Variants in ANXA3 observed in about 807,000 individuals in gnomAD.
ANXA3 encodes the protein annexin A3.
In ANXA3, 46 loss-of-function variants were observed where a neutral mutation model predicts 48.8. That is an observed-to-expected ratio of 0.94 (90% CI 0.74 to 1.21). The LOEUF is 1.21. ANXA3 is among the 50% of genes most tolerant of loss of function. The pLI is 0.00. For missense variants in ANXA3, 383 were observed against 378.6 expected (o/e 1.01, Z -0.10); for synonymous variants, 128 against 134.7 (o/e 0.95, Z 0.35).
intron 8 of ANXA3, 107 bp from the exon 9 acceptor site, chr4:78,595,687 A>ACTTCT: frequency 1.3e-6 from 1 of 779,922 alleles, no homozygotes; most frequent in Non-Finnish European, 2.1e-6. Flanking sequence ...TGAGAGATTT[A>ACTTCT]GATAATAGAT....
intron 2 of ANXA3, among the ~76,000 whole-genome samples, chr4:78,568,190 C>T (rs1316479102): frequency 6.6e-6 from 1 of 152,232 alleles, no homozygotes; most frequent in African/African-American, 2.4e-5. Context: ...TAACACCTGC[C>T]TCACTTGACT....
intron 7 of ANXA3, 78 bp from the exon 8 acceptor site, chr4:78,595,303 T>A: frequency 6.8e-7 from 1 of 1,481,376 alleles, no homozygotes; most frequent in Admixed American, 1.7e-5. Context: ...ACCACTAAGA[T>A]CCCCTGCTGG....
At chr4:78,581,116 G>T (rs1363575601) in intron 4 of ANXA3, among the ~76,000 whole-genome samples, 3 of 152,168 alleles carry the variant, frequency 2.0e-5, no homozygotes, top group African/African-American at 7.2e-5. Flanking sequence ...TTAAAGCAGA[G>T]TTGATAACAC....
In ANXA3 at chr4:78,574,638, G is replaced by A. The variant is rs186366513; in HGVS notation, c.103+1371G>A. 5.3e-5 allele frequency among the ~76,000 whole-genome samples: 8 copies of A among 152,232 alleles called. No individual in the cohort carries two copies. The East Asian group carries it at 1.5e-3, about 29-fold the overall frequency. ...TACTGTATACATTCTTCTGCAATATGTTTTTGTCTCTTAACATTATGTTTT... is the reference window on the plus strand; with the variant it reads ...TACTGTATACATTCTTCTGCAATATATTTTTGTCTCTTAACATTATGTTTT... On this transcript the variant is annotated intron_variant, in intron 3 of 12. Transcript: ENST00000264908.
chr4:78,572,618 C>G (rs969958974), intron 2 of ANXA3, among the ~76,000 whole-genome samples: 1 of 151,846 alleles, frequency 6.6e-6, no homozygotes. Context: ...TGGGGGCCAC[C>G]AAAGGAGTTG....
chr4:78,607,282 T>C (rs1016768759), intron 12 of ANXA3, among the ~76,000 whole-genome samples: 1 of 152,234 alleles, frequency 6.6e-6, no homozygotes, highest in African/African-American at 2.4e-5. Context: ...ACATTTTTGC[T>C]ATTGAAGAAC....
intron 2 of ANXA3, among the ~76,000 whole-genome samples, chr4:78,559,854 C>T (rs1722590192): frequency 6.6e-6 from 1 of 152,214 alleles, no homozygotes; most frequent in Non-Finnish European, 1.5e-5. Flanking sequence ...AATGTATTAG[C>T]AGTGCCTGGC....
chr4:78,574,254 C>CA (rs900586612), intron 3 of ANXA3, among the ~76,000 whole-genome samples: 16 of 151,910 alleles, frequency 1.1e-4, no homozygotes, highest in African/African-American at 1.7e-4. Flanking sequence ...CCCTTCTCTA[C>CA]AAAAAAACTC....
chr4:78,604,263 G>A lies in ANXA3; in HGVS notation c.790-14G>A. On this transcript the variant is annotated splice_polypyrimidine_tract_variant and intron_variant, in intron 11 of 12. Coordinates refer to ENST00000264908, the MANE Select transcript of ANXA3 (RefSeq NM_005139.3). ...AATGACATTTGTGTTGTGAACACCT[G>A]CATTCCTTAACAGGGTATTGGAACT... 1 of 1,593,440 alleles carries A rather than the reference G, an allele frequency of 6.3e-7. No individual in the cohort carries two copies. Among genetic ancestry groups the A allele is most frequent in the Non-Finnish European group, 8.6e-7 (1 of 1,165,780 alleles).
At chr4:78,560,663 C>T (rs886439991) in intron 2 of ANXA3, among the ~76,000 whole-genome samples, 1 of 152,214 alleles carries the variant, frequency 6.6e-6, no homozygotes, top group African/African-American at 2.4e-5. Context: ...CTCTTTCCTC[C>T]TCAGAGGTCT....
intron 2 of ANXA3, among the ~76,000 whole-genome samples, chr4:78,557,367 G>A (rs1479616180): frequency 6.6e-6 from 1 of 152,124 alleles, no homozygotes; most frequent in Non-Finnish European, 1.5e-5. Context: ...ATTAAATTGG[G>A]CCCACCTGGA....
chr4:78,610,149 G>T lies in ANXA3; in HGVS notation c.*34G>T. On this transcript the variant is annotated 3_prime_UTR_variant, in exon 13 of 13. Coordinates refer to ENST00000264908, the MANE Select transcript of ANXA3 (RefSeq NM_005139.3). ...GATAATCTCCAAAGGTCCACGATGGGCTTTCCCAACAGCTCCACCTTACTT... is the reference window on the plus strand; with the variant it reads ...GATAATCTCCAAAGGTCCACGATGGTCTTTCCCAACAGCTCCACCTTACTT... 4 of 1,531,352 alleles carry T rather than the reference G, an allele frequency of 2.6e-6. No individual in the cohort carries two copies. The highest frequency in any genetic ancestry group is 3.6e-6 in the Non-Finnish European group (4 of 1,109,876). 94.9% of individuals were successfully genotyped at this position (1,531,352 alleles called of 1,614,324 possible).
chr4:78,560,347 A>G (rs538898192), intron 2 of ANXA3, among the ~76,000 whole-genome samples: 85 of 152,304 alleles, frequency 5.6e-4, no homozygotes, highest in Non-Finnish European at 9.7e-4. Context: ...AGGAGTTTTC[A>G]TGACCCTCTG....
chr4:78,589,260 T>C (rs1327652753), intron 6 of ANXA3, among the ~76,000 whole-genome samples: 50 of 152,178 alleles, frequency 3.3e-4, no homozygotes, highest in Admixed American at 3.1e-3. Context: ...ATATGACAGA[T>C]GATAATAGCA....
chr4:78,575,824 C>A (rs1246576000), intron 3 of ANXA3, among the ~76,000 whole-genome samples: 1 of 151,228 alleles, frequency 6.6e-6, no homozygotes, highest in Non-Finnish European at 1.5e-5. Flanking sequence ...TATTCTCCTA[C>A]TTTTTTTTTC....
In ANXA3 at chr4:78,592,003, T is replaced by G. The variant is rs999579334; in HGVS notation, c.483+380T>G. Among the ~76,000 whole-genome samples, 6 of 152,214 alleles carry G rather than the reference T, an allele frequency of 3.9e-5. No individual in the cohort carries two copies. In the South Asian group the frequency reaches 1.2e-3, roughly 32 times the overall value. ...GACTCTGAAGAATAAATATTTCTTT[T>G]GTTAGCTTCTAAATTAAATAGGAAG... is the stretch of plus-strand genomic sequence containing the variant. On this transcript the variant is annotated intron_variant, in intron 7 of 12. Coordinates refer to ENST00000264908, the MANE Select transcript of ANXA3 (RefSeq NM_005139.3).
chr4:78,558,086 T>G (rs1007140746), intron 2 of ANXA3, among the ~76,000 whole-genome samples: 1 of 152,224 alleles, frequency 6.6e-6, no homozygotes, highest in South Asian at 2.1e-4. Context: ...TGTCACATGC[T>G]ACTATGTGGG....
At chr4:78,570,274 C>G (rs1055141742) in intron 2 of ANXA3, among the ~76,000 whole-genome samples, 4 of 152,170 alleles carry the variant, frequency 2.6e-5, no homozygotes, top group Admixed American at 6.5e-5. Context: ...GGAATTTCCT[C>G]CTTCTCTAAT....
intron 5 of ANXA3, among the ~76,000 whole-genome samples, chr4:78,582,967 G>A (rs7682502): frequency 0.7 from 106,486 of 152,112 alleles, 37,475 homozygotes; most frequent in East Asian, 0.87. Flanking sequence ...TAACTCTGTG[G>A]CTTTTTAAAA....
Sources: gnomAD v4.1 joint callset for allele counts (sites outside exome capture counted in the v4.1 genomes callset) on GRCh38, gnomAD v4.1.1 for gene constraint, MANE v1.5 for transcripts, NCBI Gene and HGNC (gene_info 2026-07-23, HGNC 2026-07-21) for gene names.